Variants in XYLT1 observed in about 807,000 individuals in gnomAD.
XYLT1 encodes beta-D-xylosyltransferase 1.
A neutral mutation model predicts 91.3 loss-of-function variants in XYLT1; 36 were observed. That is an observed-to-expected ratio of 0.39 (90% CI 0.30 to 0.52). The LOEUF (loss-of-function observed/expected upper bound fraction) is 0.52. Ranked by LOEUF, XYLT1 falls within the 20% of genes least tolerant of loss-of-function variation. XYLT1 has a pLI of 0.68. For synonymous variants in XYLT1, 588 were observed against 532.0 expected (o/e 1.11, Z -1.45); for missense variants, 1,242 against 1,284.5 (o/e 0.97, Z 0.51).
intron 2 of XYLT1, among the ~76,000 whole-genome samples, chr16:17,321,151 T>G (rs1170618891): frequency 6.6e-6 from 1 of 151,954 alleles, no homozygotes; most frequent in Non-Finnish European, 1.5e-5. Flanking sequence ...CAGACTCCAG[T>G]GGGGCAGGCT....
chr16:17,298,302 T>A (rs1170621567), intron 2 of XYLT1, among the ~76,000 whole-genome samples: 1 of 152,108 alleles, frequency 6.6e-6, no homozygotes, highest in South Asian at 2.1e-4. Flanking sequence ...CAAAAAACCT[T>A]GGCCCATAAC....
rs183077984 is a variant in XYLT1 at position 17,371,626 on chromosome 16, A to G, written c.364-13576T>C. The stretch of plus-strand genomic sequence containing the variant: ...GGAAGGTACTATACGTACTAATTTC[A>G]TAAAATTGAAGTATGTTCCAACTTA... On this transcript the variant is annotated intron_variant, in intron 1 of 11. Transcript: ENST00000261381. Among the ~76,000 whole-genome samples, 920 of 152,348 alleles carry G rather than the reference A, an allele frequency of 6.0e-3. 5 individuals carry two copies. The highest frequency in any genetic ancestry group is 9.8e-3 in the Non-Finnish European group (670 of 68,030).
At chr16:17,133,000 T>C (rs1357101742) in intron 9 of XYLT1, among the ~76,000 whole-genome samples, 3 of 152,220 alleles carry the variant, frequency 2.0e-5, no homozygotes, top group Non-Finnish European at 4.4e-5. Context: ...ACTCTTCTCA[T>C]TTCACAGATG....
chr16:17,240,666 G>A (rs1225469542), intron 3 of XYLT1, among the ~76,000 whole-genome samples: 1 of 152,206 alleles, frequency 6.6e-6, no homozygotes, highest in Non-Finnish European at 1.5e-5. Flanking sequence ...ACCAGCCTCA[G>A]TGGCCTGAGC....
chr16:17,325,433 G>A (rs189946775), intron 2 of XYLT1, among the ~76,000 whole-genome samples: 72 of 152,262 alleles, frequency 4.7e-4, no homozygotes, highest in Middle Eastern at 3.4e-3. Flanking sequence ...TTTAGAAGAT[G>A]CTTTTGCAAT....
chr16:17,426,578 C>T (rs1020511856), intron 1 of XYLT1, among the ~76,000 whole-genome samples: 2 of 152,124 alleles, frequency 1.3e-5, no homozygotes, highest in African/African-American at 4.8e-5. Context: ...CAAAACAAGG[C>T]AATAGCATAG....
In XYLT1 at chr16:17,138,611, T is replaced by G; in HGVS notation, c.1588-80A>C. The G allele has an allele frequency of 2.6e-6, 4 of 1,522,658 alleles. No individual in the cohort carries two copies. The South Asian group carries it at 4.7e-5, about 18-fold the overall frequency. The allele number at this position is 1,522,658 out of a possible 1,614,324, so 94.3% of individuals were successfully genotyped here. A position where few individuals can be genotyped will look rare whatever the true frequency, so the allele number is the denominator to read the frequency against. ...ACTGGGGTGGGAAATGGTGAACCCT[T>G]GCTCTGAGTTCATGTAAGAACTGGT... is the stretch of plus-strand genomic sequence containing the variant. On this transcript the variant is annotated intron_variant, in intron 7 of 11. Coordinates refer to ENST00000261381, the MANE Select transcript of XYLT1 (RefSeq NM_022166.4).
chr16:17,108,847 C>T lies in XYLT1; in HGVS notation c.2728G>A (p.Val910Met), dbSNP rs755137762. ...TALEGWLDSL[V>M]GGMWTAMDIC... ...TCCATGGCAGTCCACATCCCGCCCA[C>T]CAACGAGTCCAGCCATCCCTCCAGC... is the stretch of plus-strand genomic sequence containing the variant. The change falls in exon 12 of 12, where the codon GTG becomes ATG. Residue 910 changes from valine to methionine, a missense_variant. This residue lies in a region of XYLT1 where 511 missense variants were observed against 497.0 expected (regional missense o/e 1.03). Coordinates refer to ENST00000261381, the MANE Select transcript of XYLT1 (RefSeq NM_022166.4). 26 of 1,613,040 alleles carry T rather than the reference C, an allele frequency of 1.6e-5. No individual in the cohort carries two copies. Among genetic ancestry groups the T allele is most frequent in the Non-Finnish European group, 2.1e-5 (25 of 1,179,904 alleles).
At chr16:17,374,391 A>C (rs905818941) in intron 1 of XYLT1, among the ~76,000 whole-genome samples, 2 of 150,626 alleles carry the variant, frequency 1.3e-5, no homozygotes, top group African/African-American at 4.9e-5. Context: ...GATTGATTGG[A>C]ATCTTCATCA....
intron 1 of XYLT1, among the ~76,000 whole-genome samples, chr16:17,454,448 T>C (rs991767917): frequency 1.3e-5 from 2 of 152,200 alleles, no homozygotes; most frequent in African/African-American, 4.8e-5. Flanking sequence ...AACTACTCAA[T>C]TGTGCTGTCA....
chr16:17,367,105 G>A (rs1223035426), intron 1 of XYLT1, among the ~76,000 whole-genome samples: 1 of 152,146 alleles, frequency 6.6e-6, no homozygotes, highest in African/African-American at 2.4e-5. Flanking sequence ...ACTCATTGTG[G>A]AGCACTGACT....
intron 1 of XYLT1, among the ~76,000 whole-genome samples, chr16:17,366,552 G>T (rs751407842): frequency 6.9e-4 from 105 of 152,196 alleles, no homozygotes; most frequent in Middle Eastern, 3.4e-3. Flanking sequence ...AAACTTAGCT[G>T]GGCGTGTTGG....
At chr16:17,424,867 CAAAAAAAA>C (rs57342754) in intron 1 of XYLT1, among the ~76,000 whole-genome samples, 1 of 76,158 alleles carries the variant, frequency 1.3e-5, no homozygotes, top group African/African-American at 5.0e-5. Flanking sequence ...GACTCCATCT[CAAAAAAAA>C]AAAAAAAAAA....
chr16:17,162,871 T>C (rs961201436), intron 5 of XYLT1, among the ~76,000 whole-genome samples: 1 of 152,248 alleles, frequency 6.6e-6, no homozygotes, highest in African/African-American at 2.4e-5. Flanking sequence ...TCCATCTTTA[T>C]CTGCTCCTCA....
At chr16:17,183,165 T>C (rs560253443) in intron 5 of XYLT1, among the ~76,000 whole-genome samples, 3 of 152,302 alleles carry the variant, frequency 2.0e-5, no homozygotes, top group African/African-American at 7.2e-5. Context: ...GGCAAGTCAC[T>C]TGAACACTCT....
intron 1 of XYLT1, among the ~76,000 whole-genome samples, chr16:17,446,802 G>C (rs1427495950): frequency 3.3e-5 from 5 of 152,108 alleles, no homozygotes; most frequent in Non-Finnish European, 5.9e-5. Context: ...CCTCAGCGGG[G>C]AACAGCCCAA....
At chr16:17,214,450 C>T (rs2032818422) in intron 3 of XYLT1, among the ~76,000 whole-genome samples, 1 of 152,198 alleles carries the variant, frequency 6.6e-6, no homozygotes, top group Non-Finnish European at 1.5e-5. Flanking sequence ...AGAGCAGTAG[C>T]TCTGAACCTG....
chr16:17,141,405 T>A (rs776168749), intron 6 of XYLT1, 36 bp from the exon 7 acceptor site: 1 of 1,594,642 alleles, frequency 6.3e-7, no homozygotes, highest in African/African-American at 1.3e-5. Context: ...CCCAGAGGTG[T>A]CCTGAAAGAC....
chr16:17,307,381 G>A (rs1408608834), intron 2 of XYLT1, among the ~76,000 whole-genome samples: 3 of 152,178 alleles, frequency 2.0e-5, no homozygotes, highest in African/African-American at 7.2e-5. Flanking sequence ...GGCCGAGTCT[G>A]CAGTTTTAAT....
Sources: gnomAD v4.1 joint callset for allele counts (sites outside exome capture counted in the v4.1 genomes callset) on GRCh38, gnomAD v4.1.1 for gene constraint, gnomAD v4.1.1 regional missense constraint, MANE v1.5 for transcripts, NCBI Gene and HGNC (gene_info 2026-07-23, HGNC 2026-07-21) for gene names.